The following CNNM2 variants were observed in gnomAD, a reference collection of about 807,000 sequenced individuals.
CNNM2 encodes cyclin and CBS domain divalent metal cation transport mediator 2.
In CNNM2, 12 loss-of-function variants were observed where a neutral mutation model predicts 66.9. The observed-to-expected ratio is 0.18, with a 90% confidence interval of 0.11 to 0.29. The LOEUF (loss-of-function observed/expected upper bound fraction) is 0.29, where lower values mean the gene tolerates loss of function less well. Ranked by LOEUF, CNNM2 falls within the 10% of genes least tolerant of loss-of-function variation. CNNM2 has a pLI of 1.00. For missense variants in CNNM2, 705 were observed against 1,167.7 expected, an observed-to-expected ratio of 0.60 and a Z score of 5.77; for synonymous variants, 557 against 501.8, an observed-to-expected ratio of 1.11 and a Z score of -1.47.
chr10:102,972,579 T>C (rs2134217831), intron 1 of CNNM2, among the ~76,000 whole-genome samples: 1 of 152,250 alleles, frequency 6.6e-6, no homozygotes, highest in African/African-American at 2.4e-5. Flanking sequence ...GAGCTTGCAG[T>C]GAGCTGAGAT....
intron 1 of CNNM2, among the ~76,000 whole-genome samples, chr10:102,924,351 A>G (rs192502196): frequency 1.3e-5 from 2 of 152,222 alleles, no homozygotes; most frequent in African/African-American, 4.8e-5. Context: ...GCTTTATAAC[A>G]GTTGCATTCC....
rs10883818 is a variant in CNNM2, at chr10:102,999,829, A to G, written c.1622-49878A>G. Among the ~76,000 whole-genome samples, 46,936 of 152,122 alleles carry G rather than the reference A, an allele frequency of 0.31. 7,404 individuals are homozygous for G. Among genetic ancestry groups the G allele is most frequent in the Middle Eastern group, 0.37 (109 of 292 alleles). On this transcript the variant is annotated intron_variant, in intron 1 of 7. Coordinates refer to ENST00000369878, the MANE Select transcript of CNNM2 (RefSeq NM_017649.5). Reference sequence around the variant, plus strand: ...CTAGGGAAATGCAAATTAAAACTTTAATAAGATGTTACCTCAGACCCATTC... The same window carrying G: ...CTAGGGAAATGCAAATTAAAACTTTGATAAGATGTTACCTCAGACCCATTC...
chr10:103,019,666 G>A (rs1211137362), intron 1 of CNNM2, among the ~76,000 whole-genome samples: 3 of 152,102 alleles, frequency 2.0e-5, no homozygotes, highest in Non-Finnish European at 4.4e-5. Context: ...GGCGGTTAAG[G>A]GAAGGAATAG....
intron 1 of CNNM2, among the ~76,000 whole-genome samples, chr10:102,962,327 ATAAAAT>A: frequency 6.6e-6 from 1 of 152,330 alleles, no homozygotes; most frequent in African/African-American, 2.4e-5. Context: ...GAAACGTAAA[ATAAAAT>A]TAAATTTAAA....
rs1405634652 is a variant in CNNM2 at position 103,081,502 on chromosome 10, TG to T, written c.*4324del. On this transcript the variant is annotated 3_prime_UTR_variant, in exon 8 of 8. Coordinates refer to ENST00000369878, the MANE Select transcript of CNNM2 (RefSeq NM_017649.5). ...GATGTATCAATGAGCAACTTCTCAGTGGATTTTTATACCTCAGGGTCATTTG... is the reference window on the plus strand; with the variant it reads ...GATGTATCAATGAGCAACTTCTCAGTGATTTTTATACCTCAGGGTCATTTG... The T allele has an allele frequency of 7.2e-5, 11 of 152,256 alleles. No homozygotes were observed. Among genetic ancestry groups the T allele is most frequent in the Non-Finnish European group, 1.0e-4 (7 of 68,046 alleles). The allele number at this position is 152,256 out of a possible 1,614,324, so 9.4% of individuals were successfully genotyped here.
chr10:102,923,516 C>G (rs1164504158), intron 1 of CNNM2, among the ~76,000 whole-genome samples: 1 of 152,148 alleles, frequency 6.6e-6, no homozygotes, highest in Non-Finnish European at 1.5e-5. Context: ...TTATGCTGCT[C>G]TCCTTGATCC....
At chr10:102,959,274 G>A (rs903872566) in intron 1 of CNNM2, among the ~76,000 whole-genome samples, 3 of 152,132 alleles carry the variant, frequency 2.0e-5, no homozygotes, top group South Asian at 2.1e-4. Flanking sequence ...ATAACTACAC[G>A]TGAAAAGTGA....
chr10:102,967,486 A>G (rs563023824), intron 1 of CNNM2, among the ~76,000 whole-genome samples: 1 of 152,282 alleles, frequency 6.6e-6, no homozygotes, highest in South Asian at 2.1e-4. Context: ...GTCTCTATAG[A>G]TTTGACTTTT....
intron 1 of CNNM2, among the ~76,000 whole-genome samples, chr10:103,029,464 AAAAT>A (rs1296966490): frequency 6.6e-6 from 1 of 151,840 alleles, no homozygotes; most frequent in East Asian, 1.9e-4. Context: ...ACTCCGTCTC[AAAAT>A]AAATAAATAA....
chr10:103,012,497 A>C (rs1291927010), intron 1 of CNNM2, among the ~76,000 whole-genome samples: 2 of 152,196 alleles, frequency 1.3e-5, no homozygotes, highest in Non-Finnish European at 2.9e-5. Context: ...AATACAAAAA[A>C]ATTATCCAGG....
chr10:103,072,699 A>G (rs2065610964), intron 6 of CNNM2, among the ~76,000 whole-genome samples: 1 of 152,196 alleles, frequency 6.6e-6, no homozygotes, highest in East Asian at 1.9e-4. Flanking sequence ...AATTGCTGGG[A>G]TTTCCTAGTT....
chr10:102,933,920 A>T (rs1298870283), intron 1 of CNNM2, among the ~76,000 whole-genome samples: 1 of 152,134 alleles, frequency 6.6e-6, no homozygotes, highest in African/African-American at 2.4e-5. Context: ...CTGCAGCCTC[A>T]AACCCTGGGC....
Position 103,018,686 on chromosome 10 carries a change from CTT to C in CNNM2, c.1622-31001_1622-31000del, listed in dbSNP as rs370000130. Among the ~76,000 whole-genome samples, 6 of 116,294 alleles carry C rather than the reference CTT, an allele frequency of 5.2e-5. No homozygotes were observed. The highest frequency in any genetic ancestry group is 5.1e-5 in the Non-Finnish European group (3 of 58,654). The allele number at this position is 116,294 out of a possible 152,430, so 76.3% of individuals were successfully genotyped here. On this transcript the variant is annotated intron_variant, in intron 1 of 7. Transcript: ENST00000369878. ...AGCAAGGTAAATATACTCTTCTTTCCTTTTTTTTTTTTTTTTTTTTTGAGATG... is the reference window on the plus strand; with the variant it reads ...AGCAAGGTAAATATACTCTTCTTTCCTTTTTTTTTTTTTTTTTTTGAGATG...
intron 1 of CNNM2, among the ~76,000 whole-genome samples, chr10:102,931,281 G>C (rs983856715): frequency 3.3e-5 from 5 of 151,890 alleles, no homozygotes; most frequent in Admixed American, 3.3e-4. Context: ...GCTGGAGCAG[G>C]GTCTCAGAAG....
At chr10:103,039,341 T>A (rs1157883896) in intron 1 of CNNM2, among the ~76,000 whole-genome samples, 1 of 152,160 alleles carries the variant, frequency 6.6e-6, no homozygotes, top group Non-Finnish European at 1.5e-5. Flanking sequence ...TTTGCCCTGT[T>A]GGCCAAGTTG....
At chr10:102,996,227 G>C (rs928791269) in intron 1 of CNNM2, among the ~76,000 whole-genome samples, 6 of 150,808 alleles carry the variant, frequency 4.0e-5, no homozygotes, top group Admixed American at 1.3e-4. Context: ...TGAAGGTTTG[G>C]TTTCATTTTT....
rs759852477 is a variant in CNNM2, at chr10:102,918,551, C to T, written c.71C>T (p.Thr24Ile). The part of the protein sequence containing the change: ...AGGQAAAALP[T>I]WKMAARRSLS... ...GGGCAGGCAGCCGCCGCACTGCCCACTTGGAAGATGGCGGCGCGCCGCAGC... is the reference window on the plus strand; with the variant it reads ...GGGCAGGCAGCCGCCGCACTGCCCATTTGGAAGATGGCGGCGCGCCGCAGC... Residue 24 changes from threonine (T) to isoleucine (I), a missense_variant, in exon 1 of 8, where the codon ACT (threonine) becomes ATT (isoleucine). Physicochemically the swap from Thr to Ile is moderately conservative, Grantham distance 89. This residue lies in a region of CNNM2 where 98 missense variants were observed against 73.6 expected (regional missense o/e 1.33). Transcript: ENST00000369878. This position sits in a 1 kb window ranked among gnomAD's most constrained non-coding sequence, Gnocchi z 4.1. The T allele has an allele frequency of 1.3e-6, 2 of 1,596,858 alleles. No homozygotes were observed. Among genetic ancestry groups the T allele is most frequent in the Non-Finnish European group, 1.7e-6 (2 of 1,174,668 alleles).
At chr10:103,014,043 T>G (rs2064394801) in intron 1 of CNNM2, among the ~76,000 whole-genome samples, 2 of 152,244 alleles carry the variant, frequency 1.3e-5, no homozygotes, top group Admixed American at 6.5e-5. Flanking sequence ...ATTTTCTGAC[T>G]GTATAAAATC....
intron 1 of CNNM2, among the ~76,000 whole-genome samples, chr10:102,991,999 A>G (rs1471943803): frequency 6.6e-6 from 1 of 152,208 alleles, no homozygotes; most frequent in African/African-American, 2.4e-5. Flanking sequence ...TTTTCTCTAT[A>G]TACATTTGCA....
Sources: allele counts gnomAD v4.1 joint callset (sites outside exome capture counted in the v4.1 genomes callset), GRCh38; gene constraint gnomAD v4.1.1; regional missense constraint gnomAD v4.1.1; non-coding constraint Gnocchi (gnomAD v3.1); transcripts MANE v1.5; gene names NCBI Gene and HGNC (gene_info 2026-07-23, HGNC 2026-07-21).